Variants in PCCB observed in about 807,000 individuals in gnomAD.
PCCB encodes propionyl-CoA carboxylase subunit beta.
PCCB carries 43 observed loss-of-function variants against 60.7 expected under a neutral mutation model. The ratio of observed to expected loss-of-function variants is 0.71; its 90% CI spans 0.55 to 0.91. The LOEUF (loss-of-function observed/expected upper bound fraction) is 0.91, where lower values mean the gene tolerates loss of function less well. PCCB is among the 40% of genes least tolerant of loss of function. The probability of loss-of-function intolerance (pLI) is 0.00; values close to 1 mark genes in which losing one functional copy is unlikely to be tolerated. For missense variants in PCCB, 766 were observed against 702.8 expected (o/e 1.09, Z -1.02); for synonymous variants, 276 against 255.9 (o/e 1.08, Z -0.75).
At chr3:136,323,523 C>T (rs1156237827) in intron 10 of PCCB, among the ~76,000 whole-genome samples, 1 of 152,160 alleles carries the variant, frequency 6.6e-6, no homozygotes, top group Non-Finnish European at 1.5e-5. Context: ...GTGGCTCCTG[C>T]CTGTAATCCC....
intron 3 of PCCB, among the ~76,000 whole-genome samples, chr3:136,257,170 G>A (rs1306666567): frequency 6.6e-6 from 1 of 152,210 alleles, no homozygotes; most frequent in Non-Finnish European, 1.5e-5. Flanking sequence ...TTGCAATAGG[G>A]AGAGTAGCCT....
chr3:136,307,405 GGGA>G (rs1290746401), intron 9 of PCCB, among the ~76,000 whole-genome samples: 1 of 152,106 alleles, frequency 6.6e-6, no homozygotes, highest in African/African-American at 2.4e-5. Context: ...ACTGAAAAAT[GGGA>G]GGAGAAGAGA....
chr3:136,252,814 A>G (rs962976599), intron 1 of PCCB, among the ~76,000 whole-genome samples: 68 of 151,150 alleles, frequency 4.5e-4, no homozygotes, highest in Non-Finnish European at 3.2e-4. Context: ...GTATAAATAT[A>G]TTTTAAAAAT....
chr3:136,254,931 A>G (rs868856391), intron 1 of PCCB, among the ~76,000 whole-genome samples: 1 of 149,012 alleles, frequency 6.7e-6, no homozygotes, highest in Non-Finnish European at 1.5e-5. Context: ...CTGGAGTGCA[A>G]TGGTGCACAA....
intron 5 of PCCB, among the ~76,000 whole-genome samples, chr3:136,275,951 A>G (rs1422219215): frequency 6.6e-6 from 1 of 152,008 alleles, no homozygotes; most frequent in Non-Finnish European, 1.5e-5. Context: ...TTGTATTTTT[A>G]GTAGAGACGG....
At chr3:136,326,192 G>A (rs1300627590) in intron 10 of PCCB, 5 of 595,540 alleles carry the variant, frequency 8.4e-6, no homozygotes, top group Admixed American at 3.0e-5. Flanking sequence ...TTTTTGGTCT[G>A]TATTCTTTTC....
chr3:136,250,785 G>A (rs1941493290), intron 1 of PCCB, among the ~76,000 whole-genome samples: 1 of 152,182 alleles, frequency 6.6e-6, no homozygotes, highest in Admixed American at 6.5e-5. Context: ...GGATTTAGAC[G>A]GATCTGGCTC....
At chr3:136,311,867 C>G (rs1487442885) in intron 9 of PCCB, among the ~76,000 whole-genome samples, 1 of 152,130 alleles carries the variant, frequency 6.6e-6, no homozygotes, top group Non-Finnish European at 1.5e-5. Flanking sequence ...ATGTTATTAA[C>G]AAACTGGTGA....
chr3:136,321,515 GGA>G (rs1310377204), intron 10 of PCCB, among the ~76,000 whole-genome samples: 16 of 152,314 alleles, frequency 1.1e-4, no homozygotes, highest in African/African-American at 3.4e-4. Flanking sequence ...CATGGCAGCA[GGA>G]GAGAGAAGTG....
chr3:136,314,584 G>C (rs1245196565), intron 9 of PCCB, among the ~76,000 whole-genome samples: 2 of 152,146 alleles, frequency 1.3e-5, no homozygotes, highest in African/African-American at 4.8e-5. Context: ...GAGCCTGGGA[G>C]GTGGAGGTTG....
chr3:136,290,233 TTTTG>T (rs1933611268), intron 6 of PCCB, among the ~76,000 whole-genome samples: 2 of 152,286 alleles, frequency 1.3e-5, no homozygotes, highest in Middle Eastern at 3.4e-3. Context: ...TTACCTCAAG[TTTTG>T]TTTGTTTGAG....
chr3:136,311,941 A>G (rs766976994), intron 9 of PCCB, among the ~76,000 whole-genome samples: 20 of 152,236 alleles, frequency 1.3e-4, no homozygotes, highest in East Asian at 1.9e-4. Flanking sequence ...CTAGAACTAG[A>G]TAAGTTTATA....
intron 9 of PCCB, among the ~76,000 whole-genome samples, chr3:136,309,664 G>A (rs1369823861): frequency 6.6e-6 from 1 of 151,952 alleles, no homozygotes; most frequent in Non-Finnish European, 1.5e-5. Context: ...ACTGGGTGTG[G>A]TGGCATGCAC....
intron 13 of PCCB, 78 bp from the exon 14 acceptor site, chr3:136,328,680 C>A: frequency 8.5e-7 from 1 of 1,176,494 alleles, no homozygotes; most frequent in Non-Finnish European, 1.3e-6. Flanking sequence ...TTTGCACCCA[C>A]ACACAGTGAT....
intron 5 of PCCB, among the ~76,000 whole-genome samples, chr3:136,272,732 A>G (rs543540799): frequency 7.2e-4 from 109 of 151,894 alleles, no homozygotes; most frequent in African/African-American, 2.4e-3. Flanking sequence ...ATTTGGATCT[A>G]TTCTCTTCTT....
chr3:136,312,488 T>C (rs1057271473), intron 9 of PCCB, among the ~76,000 whole-genome samples: 2 of 152,262 alleles, frequency 1.3e-5, no homozygotes, highest in African/African-American at 2.4e-5. Flanking sequence ...GATAATGATA[T>C]TTTATCAAAT....
rs201915067 is a variant in PCCB, at chr3:136,256,572, G to C, written c.321G>C (p.Val107=). Residue 107 remains valine, a synonymous_variant, in exon 3 of 15, where the codon GTG becomes GTC. Transcript: ENST00000251654. The part of the protein sequence containing the change: ...ADKNKFPGDS[V]VTGRGRINGR... ...TCTGGTAGTTTCCTGGAGACAGCGT[G>C]GTCACTGGACGAGGCCGAATCAATG... is the stretch of plus-strand genomic sequence containing the variant. 23 of 1,612,580 alleles carry C rather than the reference G, an allele frequency of 1.4e-5. No individual in the cohort carries two copies. Among genetic ancestry groups the C allele is most frequent in the Non-Finnish European group, 2.0e-5 (23 of 1,178,606 alleles).
intron 6 of PCCB, among the ~76,000 whole-genome samples, chr3:136,290,671 GTTTT>G (rs61191314): frequency 6.7e-5 from 4 of 60,046 alleles, no homozygotes; most frequent in Admixed American, 3.0e-4. Flanking sequence ...TCTCTGTGTA[GTTTT>G]TTTTTTTTTT....
At chr3:136,277,590 G>A (rs1171270628) in intron 5 of PCCB, among the ~76,000 whole-genome samples, 2 of 152,062 alleles carry the variant, frequency 1.3e-5, no homozygotes, top group Non-Finnish European at 2.9e-5. Flanking sequence ...GGGGAAAGCC[G>A]TGGCTCCTAT....
Sources: allele counts gnomAD v4.1 joint callset (sites outside exome capture counted in the v4.1 genomes callset), GRCh38; gene constraint gnomAD v4.1.1; transcripts MANE v1.5; gene names NCBI Gene and HGNC (gene_info 2026-07-23, HGNC 2026-07-21).